Variants in KCNH8 observed in about 807,000 individuals in gnomAD.
KCNH8 encodes voltage-gated delayed rectifier potassium channel KCNH8.
Under a neutral mutation model 103.6 loss-of-function variants are expected in KCNH8, and 70 were observed. That is an observed-to-expected ratio of 0.68 (90% CI 0.56 to 0.82). KCNH8 has a LOEUF of 0.82. Ranked by LOEUF, KCNH8 falls within the 40% of genes least tolerant of loss-of-function variation. KCNH8 has a pLI of 0.00. For missense variants in KCNH8, 1,217 were observed against 1,329.9 expected (o/e 0.92, Z 1.32); for synonymous variants, 498 against 489.4 (o/e 1.02, Z -0.23).
At chr3:19,374,954 AG>A (rs1244140100) in intron 5 of KCNH8, among the ~76,000 whole-genome samples, 2 of 151,954 alleles carry the variant, frequency 1.3e-5, no homozygotes, top group Non-Finnish European at 2.9e-5. Context: ...TCTGGCTTGT[AG>A]GGTTTCTGCC....
intron 2 of KCNH8, among the ~76,000 whole-genome samples, chr3:19,261,333 A>G (rs1302724269): frequency 2.0e-5 from 3 of 151,804 alleles, no homozygotes; most frequent in Admixed American, 2.0e-4. Flanking sequence ...TTTAATTTGC[A>G]TTTCCCTGAT....
chr3:19,293,086 TATTG>T (rs2064951090), intron 3 of KCNH8, among the ~76,000 whole-genome samples: 1 of 152,180 alleles, frequency 6.6e-6, no homozygotes, highest in Non-Finnish European at 1.5e-5. Context: ...AGGTATCATG[TATTG>T]ATTATTTTCT....
intron 11 of KCNH8, among the ~76,000 whole-genome samples, chr3:19,470,884 AC>A (rs1317112160): frequency 4.6e-5 from 7 of 152,236 alleles, no homozygotes; most frequent in African/African-American, 1.7e-4. Flanking sequence ...AATAGGGAGC[AC>A]ATAAAAAGCT....
At chr3:19,339,083 C>T (rs887796150) in intron 3 of KCNH8, among the ~76,000 whole-genome samples, 1 of 152,074 alleles carries the variant, frequency 6.6e-6, no homozygotes, top group Non-Finnish European at 1.5e-5. Flanking sequence ...TCAACCCAAT[C>T]TTGCATGAGG....
chr3:19,206,899 A>G (rs2063722320), intron 1 of KCNH8, among the ~76,000 whole-genome samples: 2 of 152,084 alleles, frequency 1.3e-5, no homozygotes, highest in South Asian at 4.1e-4. Context: ...GATGGAAAAT[A>G]TCGGAAGAAG....
At chr3:19,416,344 A>T (rs1390503264) in intron 7 of KCNH8, among the ~76,000 whole-genome samples, 2 of 152,120 alleles carry the variant, frequency 1.3e-5, no homozygotes, top group African/African-American at 4.8e-5. Flanking sequence ...TCAAATAAAT[A>T]AAGAAATTTT....
At chr3:19,303,980 C>G (rs546676654) in intron 3 of KCNH8, among the ~76,000 whole-genome samples, 1 of 152,164 alleles carries the variant, frequency 6.6e-6, no homozygotes, top group South Asian at 2.1e-4. Context: ...GAGTCCTATT[C>G]TTTTGTGAAG....
In KCNH8 at chr3:19,248,653, A is replaced by T. The variant is rs555532626; in HGVS notation, c.77-5001A>T. The stretch of plus-strand genomic sequence containing the variant: ...CATAGACTGAGTTTTAATCTCCAGC[A>T]TTGGATCTTAGACAGGAAACTAAAG... On this transcript the variant is annotated intron_variant, in intron 1 of 15. Transcript: ENST00000328405. Among the ~76,000 whole-genome samples the T allele has an allele frequency of 2.0e-5, 3 of 152,224 alleles. No homozygotes were observed. In the East Asian group the frequency reaches 5.8e-4, roughly 29 times the overall value.
At chr3:19,246,612 C>T (rs1201861478) in intron 1 of KCNH8, among the ~76,000 whole-genome samples, 1 of 152,048 alleles carries the variant, frequency 6.6e-6, no homozygotes, top group African/African-American at 2.4e-5. Flanking sequence ...ATGCATATAA[C>T]AGAAAATTCA....
chr3:19,326,740 C>T (rs1194242413), intron 3 of KCNH8, among the ~76,000 whole-genome samples: 1 of 152,176 alleles, frequency 6.6e-6, no homozygotes, highest in Non-Finnish European at 1.5e-5. Context: ...TCAAGATCCC[C>T]AAACTCATTG....
At chr3:19,204,688 A>C (rs373559644) in intron 1 of KCNH8, among the ~76,000 whole-genome samples, 5 of 152,232 alleles carry the variant, frequency 3.3e-5, no homozygotes, top group African/African-American at 9.6e-5. Context: ...TTTAGCCTGA[A>C]GTATTTTTAT....
At chr3:19,529,125 C>T (rs1205594124) in intron 15 of KCNH8, among the ~76,000 whole-genome samples, 1 of 152,036 alleles carries the variant, frequency 6.6e-6, no homozygotes, top group African/African-American at 2.4e-5. Flanking sequence ...AAATGCAGGA[C>T]ATGGAGCCAT....
rs556620141 is a variant in KCNH8, at chr3:19,222,608, A to G, written c.77-31046A>G. Among the ~76,000 whole-genome samples the G allele has an allele frequency of 1.7e-3, 258 of 152,338 alleles. 1 individual carries two copies. The highest frequency in any genetic ancestry group is 5.8e-3 in the African/African-American group (243 of 41,588). Reference sequence around the variant, plus strand: ...GTAAAGCTTTGAAAACTGTAGTGTGACAAATAATACAAGCTCACCCTTTAA... The same window carrying G: ...GTAAAGCTTTGAAAACTGTAGTGTGGCAAATAATACAAGCTCACCCTTTAA... On this transcript the variant is annotated intron_variant, in intron 1 of 15. Coordinates refer to ENST00000328405, the MANE Select transcript of KCNH8 (RefSeq NM_144633.3).
chr3:19,420,134 T>C (rs950511380), intron 7 of KCNH8, among the ~76,000 whole-genome samples: 1 of 152,220 alleles, frequency 6.6e-6, no homozygotes, highest in Non-Finnish European at 1.5e-5. Context: ...ATGGTTGTTA[T>C]GAGGATTAAG....
intron 1 of KCNH8, among the ~76,000 whole-genome samples, chr3:19,214,203 T>G (rs2063797412): frequency 6.6e-6 from 1 of 152,228 alleles, no homozygotes; most frequent in South Asian, 2.1e-4. Flanking sequence ...TGCCCTTCCT[T>G]GGATTTTTTC....
At chr3:19,252,930 CT>C (rs1331715343) in intron 1 of KCNH8, among the ~76,000 whole-genome samples, 1 of 152,144 alleles carries the variant, frequency 6.6e-6, no homozygotes, top group African/African-American at 2.4e-5. Flanking sequence ...AGAGTGATCT[CT>C]GGAGAGTGCA....
chr3:19,492,505 G>T (rs1253733651), intron 11 of KCNH8, among the ~76,000 whole-genome samples: 1 of 152,074 alleles, frequency 6.6e-6, no homozygotes, highest in African/African-American at 2.4e-5. Context: ...TCATTTCTGA[G>T]TTTTCTATTC....
chr3:19,489,208 G>A (rs1306683477), intron 11 of KCNH8, among the ~76,000 whole-genome samples: 1 of 152,108 alleles, frequency 6.6e-6, no homozygotes, highest in Admixed American at 6.5e-5. Flanking sequence ...TGTGGGTTCT[G>A]GAGTGGGGAG....
intron 1 of KCNH8, among the ~76,000 whole-genome samples, chr3:19,223,594 C>T (rs1267765598): frequency 1.3e-5 from 2 of 152,040 alleles, no homozygotes; most frequent in African/African-American, 4.8e-5. Context: ...CTTATTTGGG[C>T]CTGGATTCCA....
Sources: allele counts gnomAD v4.1 joint callset (sites outside exome capture counted in the v4.1 genomes callset), GRCh38; gene constraint gnomAD v4.1.1; transcripts MANE v1.5; gene names NCBI Gene and HGNC (gene_info 2026-07-23, HGNC 2026-07-21).